The following CACNA1A variants were observed in gnomAD, a reference collection of about 807,000 sequenced individuals.
CACNA1A encodes the protein voltage-dependent P/Q-type calcium channel subunit alpha-1A.
In CACNA1A, 57 loss-of-function variants were observed where a neutral mutation model predicts 262.4. That is an observed-to-expected ratio of 0.22 (90% CI 0.18 to 0.27). The LOEUF is 0.27. Among genes scored for constraint, CACNA1A ranks in the 10% least tolerant of loss-of-function variants. The pLI, the probability that CACNA1A is intolerant of heterozygous loss-of-function variation, is 1.00. For synonymous variants in CACNA1A, 1,431 were observed against 1,419.3 expected (o/e 1.01, Z -0.18); for missense variants, 2,526 against 3,562.8 (o/e 0.71, Z 7.41).
intron 3 of CACNA1A, among the ~76,000 whole-genome samples, chr19:13,394,506 G>A (rs986355862): frequency 6.6e-6 from 1 of 152,128 alleles, no homozygotes; most frequent in Non-Finnish European, 1.5e-5. Context: ...TTGATTAAAC[G>A]TTGTCAGGGG....
intron 3 of CACNA1A, among the ~76,000 whole-genome samples, chr19:13,390,219 C>A (rs1043712031): frequency 6.6e-6 from 1 of 151,356 alleles, no homozygotes; most frequent in Non-Finnish European, 1.5e-5. Flanking sequence ...TGGGCTCAAG[C>A]AATCCTGTCT....
Position 13,368,907 on chromosome 19 carries a change from G to A in CACNA1A, c.631+2781C>T, listed in dbSNP as rs916251003. On this transcript the variant is annotated intron_variant, in intron 4 of 46. Coordinates refer to ENST00000360228, the MANE Select transcript of CACNA1A (RefSeq NM_001127222.2). Reference sequence around the variant, plus strand: ...CAAAAAATTAGCCGGGCGTGGTAGCGGGCGCCTGTAGTCCCAGCTACTCGG... The same window carrying A: ...CAAAAAATTAGCCGGGCGTGGTAGCAGGCGCCTGTAGTCCCAGCTACTCGG... 1.7e-4 allele frequency among the ~76,000 whole-genome samples: 25 copies of A among 143,420 alleles called. 3 individuals are homozygous for A. The highest frequency in any genetic ancestry group is 1.7e-3 in the South Asian group (8 of 4,710). The allele number at this position is 143,420 out of a possible 152,430, so 94.1% of individuals were successfully genotyped here.
At chr19:13,360,660 T>C (rs984624543) in intron 5 of CACNA1A, among the ~76,000 whole-genome samples, 2 of 151,950 alleles carry the variant, frequency 1.3e-5, no homozygotes, top group African/African-American at 4.8e-5. Flanking sequence ...GTATTTTTAG[T>C]GGAGATGGGG....
intron 10 of CACNA1A, among the ~76,000 whole-genome samples, chr19:13,324,502 C>CATCCATCTA (rs2058314511): frequency 1.3e-5 from 2 of 152,118 alleles, no homozygotes; most frequent in African/African-American, 2.4e-5. Context: ...ATTAGCATGA[C>CATCCATCTA]TGAATCATTC....
At chr19:13,445,565 G>GA (rs148626158) in intron 3 of CACNA1A, among the ~76,000 whole-genome samples, 2,951 of 151,924 alleles carry the variant, frequency 0.019, 90 homozygotes, top group African/African-American at 0.066. Context: ...GAATAAAAAA[G>GA]AAAAAAAATT....
At chr19:13,334,549 TTGTG>T (rs1263876667) in intron 7 of CACNA1A, 56 bp from the exon 8 acceptor site, 3 of 724,710 alleles carry the variant, frequency 4.1e-6, no homozygotes, top group African/African-American at 2.6e-5. Context: ...TAGGAAACGT[TTGTG>T]TGTGTGTTTG....
chr19:13,465,291 C>A lies in CACNA1A; in HGVS notation c.294-10079G>T, dbSNP rs571800866. Among the ~76,000 whole-genome samples the A allele has an allele frequency of 2.0e-5, 3 of 152,296 alleles. No homozygotes were observed. In the East Asian group the frequency reaches 5.8e-4, roughly 29 times the overall value. ...AATACCTACCGTCATCATAGCTGAA[C>A]AGACCTCTCAAATCTGAAATGTTTC... On this transcript the variant is annotated intron_variant, in intron 1 of 46. Transcript: ENST00000360228.
intron 1 of CACNA1A, among the ~76,000 whole-genome samples, chr19:13,491,073 G>A (rs969130045): frequency 2.0e-5 from 3 of 152,212 alleles, no homozygotes; most frequent in Non-Finnish European, 2.9e-5. Context: ...CTTAACCATC[G>A]TCCCGCGACA....
intron 6 of CACNA1A, among the ~76,000 whole-genome samples, chr19:13,341,219 C>G (rs2058670739): frequency 6.6e-6 from 1 of 152,156 alleles, no homozygotes; most frequent in Non-Finnish European, 1.5e-5. Flanking sequence ...CAAGGACCAC[C>G]AAGCACTGTT....
chr19:13,211,648 A>G (rs2054814788), intron 43 of CACNA1A: 1 of 192,892 alleles, frequency 5.2e-6, no homozygotes, highest in Non-Finnish European at 1.1e-5. Context: ...CCACGTGCAC[A>G]CACGTGTGTG....
rs1161893626 is a variant in CACNA1A at position 13,388,245 on chromosome 19, C to CTTT, written c.540-16469_540-16467dup. Among the ~76,000 whole-genome samples, 44 of 85,718 alleles carry CTTT rather than the reference C, an allele frequency of 5.1e-4. 1 individual carries two copies. The highest frequency in any genetic ancestry group is 7.5e-4 in the East Asian group (2 of 2,682). The allele number at this position is 85,718 out of a possible 152,430, so 56.2% of individuals were successfully genotyped here. A position where few individuals can be genotyped will look rare whatever the true frequency, so the allele number is the denominator to read the frequency against. On this transcript the variant is annotated intron_variant, in intron 3 of 46. Transcript: ENST00000360228. ...CTTGAAAAAACGATTTCTTCCTCTT[C>CTTT]TTTTTTTTTTTTTTTTTTTTTTTTT...
intron 36 of CACNA1A, among the ~76,000 whole-genome samples, chr19:13,229,361 C>T (rs2055586113): frequency 1.3e-5 from 2 of 152,168 alleles, no homozygotes; most frequent in Non-Finnish European, 2.9e-5. Context: ...GAACTAAATC[C>T]TCAGTTAGTG....
At chr19:13,228,547 A>G (rs1369589779) in intron 36 of CACNA1A, 3 of 229,818 alleles carry the variant, frequency 1.3e-5, no homozygotes, top group Non-Finnish European at 2.4e-5. Flanking sequence ...TGGCTAAGAG[A>G]GTTTTCTAGT....
At chr19:13,380,572 T>C (rs1399883947) in intron 3 of CACNA1A, among the ~76,000 whole-genome samples, 2 of 122,806 alleles carry the variant, frequency 1.6e-5, no homozygotes, top group East Asian at 2.5e-4. Flanking sequence ...CTTGAACCCA[T>C]GAGGTGGAGG....
intron 34 of CACNA1A, among the ~76,000 whole-genome samples, chr19:13,234,611 C>T (rs551680681): frequency 6.6e-6 from 1 of 151,950 alleles, no homozygotes; most frequent in Non-Finnish European, 1.5e-5. Flanking sequence ...GATTCCTGGG[C>T]CCCCCACGAC....
At chr19:13,449,523 C>A (rs1388496028) in intron 3 of CACNA1A, among the ~76,000 whole-genome samples, 1 of 152,124 alleles carries the variant, frequency 6.6e-6, no homozygotes, top group Non-Finnish European at 1.5e-5. Context: ...ATTGGCCAGG[C>A]TGGTCTCAAA....
intron 44 of CACNA1A, 119 bp downstream of exon 44, chr19:13,210,498 A>G: frequency 2.4e-6 from 2 of 835,680 alleles, no homozygotes; most frequent in Non-Finnish European, 3.8e-6. Context: ...AGAGGGTGCG[A>G]TTGCCAAAGA....
chr19:13,429,570 C>T (rs2060468828), intron 3 of CACNA1A, among the ~76,000 whole-genome samples: 1 of 147,802 alleles, frequency 6.8e-6, no homozygotes, highest in South Asian at 2.1e-4. Context: ...GCCAATGAGA[C>T]CTCTAAGGGC....
At chr19:13,408,444 A>G (rs1049171127) in intron 3 of CACNA1A, among the ~76,000 whole-genome samples, 2 of 152,238 alleles carry the variant, frequency 1.3e-5, no homozygotes, top group Non-Finnish European at 2.9e-5. Flanking sequence ...AGCAGGGTAT[A>G]AGGAACCTGG....
Sources: allele counts gnomAD v4.1 joint callset (sites outside exome capture counted in the v4.1 genomes callset), GRCh38; gene constraint gnomAD v4.1.1; transcripts MANE v1.5; gene names NCBI Gene and HGNC (gene_info 2026-07-23, HGNC 2026-07-21).